Variants in RAB38 observed in about 807,000 individuals in gnomAD.
RAB38 encodes the protein ras-related protein Rab-38.
Under a neutral mutation model 18.4 loss-of-function variants are expected in RAB38, and 15 were observed. That is an observed-to-expected ratio of 0.82 (90% CI 0.55 to 1.26). RAB38 has a LOEUF of 1.26. RAB38 is among the 50% of genes most tolerant of loss of function. RAB38 has a pLI of 0.00. For synonymous variants in RAB38, 101 were observed against 104.4 expected, an observed-to-expected ratio of 0.97 and a Z score of 0.20; for missense variants, 294 against 267.4, an observed-to-expected ratio of 1.10 and a Z score of -0.69.
chr11:87,967,225 G>A, the RAB38 span, among the ~76,000 whole-genome samples: 86 of 152,110 alleles, frequency 5.7e-4, 1 homozygote, highest in East Asian at 4.1e-3. Context: ...TTCTAGCTTG[G>A]CATTTTATTA....
chr11:88,033,085 G>C, the RAB38 span, among the ~76,000 whole-genome samples: 1 of 152,080 alleles, frequency 6.6e-6, no homozygotes, highest in East Asian at 1.9e-4. Flanking sequence ...TAGGGACATC[G>C]ATGAAATTGG....
chr11:88,013,496 G>A, the RAB38 span, among the ~76,000 whole-genome samples: 1 of 152,096 alleles, frequency 6.6e-6, no homozygotes, highest in Non-Finnish European at 1.5e-5. Context: ...AACCAATTGA[G>A]AATGACTAAT....
At chr11:88,063,672 C>T in the RAB38 span, among the ~76,000 whole-genome samples, 36 of 152,224 alleles carry the variant, frequency 2.4e-4, no homozygotes, top group Admixed American at 2.0e-3. Flanking sequence ...ATCATGGGGG[C>T]GGTTTCACCC....
At chr11:88,162,142 T>C (rs1189434579) in intron 1 of RAB38, among the ~76,000 whole-genome samples, 2 of 152,126 alleles carry the variant, frequency 1.3e-5, no homozygotes, top group East Asian at 3.9e-4. Context: ...ATCCTAGTGA[T>C]GGTGGTTATT....
chr11:87,891,538 A>G, the RAB38 span, among the ~76,000 whole-genome samples: 1 of 151,780 alleles, frequency 6.6e-6, no homozygotes, highest in Admixed American at 6.6e-5. Context: ...AGATTTAAGG[A>G]TCATCTAAAG....
the RAB38 span, among the ~76,000 whole-genome samples, chr11:88,016,614 G>A: frequency 6.6e-6 from 1 of 151,932 alleles, no homozygotes; most frequent in Non-Finnish European, 1.5e-5. Context: ...GCCACAAGGG[G>A]GAGCACTAAT....
chr11:88,023,401 A>G, the RAB38 span, among the ~76,000 whole-genome samples: 1 of 151,868 alleles, frequency 6.6e-6, no homozygotes, highest in East Asian at 1.9e-4. Flanking sequence ...AATCTAAAAG[A>G]ATACTAAAAA....
At chr11:88,148,367 TG>T (rs1690494192) in intron 2 of RAB38, among the ~76,000 whole-genome samples, 1 of 152,244 alleles carries the variant, frequency 6.6e-6, no homozygotes, top group South Asian at 2.1e-4. Context: ...TTAATTGTGC[TG>T]GTCTTTGTAA....
the RAB38 span, among the ~76,000 whole-genome samples, chr11:87,936,772 C>G: frequency 6.6e-6 from 1 of 152,014 alleles, no homozygotes; most frequent in African/African-American, 2.4e-5. Context: ...TTGGGGAGAA[C>G]TGAAGTATAT....
chr11:88,170,121 C>A (rs114864011), intron 1 of RAB38, among the ~76,000 whole-genome samples: 1 of 152,214 alleles, frequency 6.6e-6, no homozygotes, highest in Non-Finnish European at 1.5e-5. Context: ...CACGACATGT[C>A]CTGCCTTGAG....
the RAB38 span, among the ~76,000 whole-genome samples, chr11:87,905,304 A>G: frequency 6.6e-6 from 1 of 151,590 alleles, no homozygotes; most frequent in African/African-American, 2.4e-5. Context: ...CATATTTATA[A>G]TAGCTATTTT....
chr11:87,929,715 TC>T, the RAB38 span, among the ~76,000 whole-genome samples: 1 of 89,372 alleles, frequency 1.1e-5, no homozygotes, highest in African/African-American at 4.3e-5. Context: ...CCTTCCCCCC[TC>T]CCCCCACCCC....
the RAB38 span, among the ~76,000 whole-genome samples, chr11:87,942,587 A>G: frequency 6.6e-6 from 1 of 152,138 alleles, no homozygotes; most frequent in Non-Finnish European, 1.5e-5. Context: ...CTTGAGGGGC[A>G]CTGTCTCAAA....
At chr11:88,082,262 G>A in the RAB38 span, among the ~76,000 whole-genome samples, 2 of 151,698 alleles carry the variant, frequency 1.3e-5, no homozygotes, top group African/African-American at 4.8e-5. Flanking sequence ...AATTAAATAA[G>A]CAATGAGAAG....
chr11:87,853,767 C>T, the RAB38 span, among the ~76,000 whole-genome samples: 1 of 152,130 alleles, frequency 6.6e-6, no homozygotes, highest in Admixed American at 6.6e-5. Flanking sequence ...TGACAAATCA[C>T]CATAAACTTA....
the RAB38 span, among the ~76,000 whole-genome samples, chr11:88,043,532 G>A: frequency 6.6e-6 from 1 of 151,824 alleles, no homozygotes; most frequent in Non-Finnish European, 1.5e-5. Flanking sequence ...CTTAACTGAG[G>A]ACATTACCTT....
At chr11:88,086,938 G>T in the RAB38 span, among the ~76,000 whole-genome samples, 3 of 151,544 alleles carry the variant, frequency 2.0e-5, no homozygotes, top group African/African-American at 7.3e-5. Context: ...GAAAACTAAA[G>T]ATTTTAAAAA....
At chr11:87,970,538 G>A in the RAB38 span, among the ~76,000 whole-genome samples, 1 of 151,934 alleles carries the variant, frequency 6.6e-6, no homozygotes, top group Non-Finnish European at 1.5e-5. Context: ...CTAGGCATGG[G>A]GTGCACATTC....
chr11:87,839,585 G>A, the RAB38 span, among the ~76,000 whole-genome samples: 2 of 152,180 alleles, frequency 1.3e-5, no homozygotes, highest in East Asian at 1.9e-4. Flanking sequence ...CACGATTTAA[G>A]TTACTTTGTA....
Sources: allele counts gnomAD v4.1 joint callset (sites outside exome capture counted in the v4.1 genomes callset), GRCh38; gene constraint gnomAD v4.1.1; transcripts MANE v1.5; gene names NCBI Gene and HGNC (gene_info 2026-07-23, HGNC 2026-07-21).